ISG20: variants seen among roughly 807,000 people sequenced by gnomAD.
ISG20 encodes the protein interferon stimulated exonuclease gene 20, also known as interferon-stimulated gene 20 kDa protein.
ISG20 carries 8 observed loss-of-function variants against 11.1 expected under a neutral mutation model. The ratio of observed to expected loss-of-function variants is 0.72; its 90% CI spans 0.42 to 1.30. ISG20 has a LOEUF of 1.30. Among genes scored for constraint, ISG20 ranks in the 50% most tolerant of loss-of-function variants. The pLI, the probability that ISG20 is intolerant of heterozygous loss-of-function variation, is 0.01. For missense variants in ISG20, 243 were observed against 250.2 expected, an observed-to-expected ratio of 0.97 and a Z score of 0.19; for synonymous variants, 110 against 101.7, an observed-to-expected ratio of 1.08 and a Z score of -0.49.
At chr15:88,646,212 T>A (rs1461796174) in intron 2 of ISG20, among the ~76,000 whole-genome samples, 2 of 152,174 alleles carry the variant, frequency 1.3e-5, no homozygotes, top group Non-Finnish European at 1.5e-5. Flanking sequence ...AACACAGAGA[T>A]GATTAAATAG....
intron 2 of ISG20, chr15:88,647,520 A>C (rs1191486779): frequency 2.0e-5 from 3 of 152,158 alleles, no homozygotes; most frequent in Non-Finnish European, 2.9e-5. Flanking sequence ...AAGGCTAAGA[A>C]ACCCTGGTCT....
At chr15:88,651,839 A>G in intron 2 of ISG20, 1 of 1,301,902 alleles carries the variant, frequency 7.7e-7, no homozygotes, top group African/African-American at 1.5e-5. Flanking sequence ...GCACCTGGGA[A>G]ATACTCAGGA....
chr15:88,638,468 TCTGGAACC>T (rs1331454003), upstream of ISG20, among the ~76,000 whole-genome samples: 1 of 152,170 alleles, frequency 6.6e-6, no homozygotes, highest in African/African-American at 2.4e-5. Flanking sequence ...CATTGAGGCA[TCTGGAACC>T]CACGGAGGCC....
At chr15:88,653,630 C>T (rs1434420933) in intron 3 of ISG20, among the ~76,000 whole-genome samples, 4 of 152,162 alleles carry the variant, frequency 2.6e-5, no homozygotes, top group African/African-American at 7.2e-5. Context: ...TCCCTGGGCT[C>T]ATTAAGCCTG....
At position 88,656,374 on chromosome 15, in the gene ISG20, G is replaced by A. The variant is rs764355106; in HGVS notation, c.*843G>A. 3.3e-5 allele frequency: 5 copies of A among 152,122 alleles called. No homozygotes were observed. Among genetic ancestry groups the A allele is most frequent in the Non-Finnish European group, 7.4e-5 (5 of 68,024 alleles). 9.4% of individuals were successfully genotyped at this position (152,122 alleles called of 1,614,324 possible). A position where few individuals can be genotyped will look rare whatever the true frequency, so the allele number is the denominator to read the frequency against. The stretch of plus-strand genomic sequence containing the variant: ...GAGGGCATCCTGTATGGGGAGGAGG[G>A]TCTGGACCAGAGCTGTCCCTGATCG... On this transcript the variant is annotated 3_prime_UTR_variant, in exon 4 of 4. Coordinates refer to ENST00000306072, the MANE Select transcript of ISG20 (RefSeq NM_002201.6).
At chr15:88,647,234 GA>G (rs1201406842) in intron 2 of ISG20, 5 of 149,146 alleles carry the variant, frequency 3.4e-5, no homozygotes, top group African/African-American at 1.3e-4. Context: ...ATGTGAGTGG[GA>G]CCCCCCCCCC....
chr15:88,636,223 A>T (rs1215232406), upstream of ISG20: 4 of 152,170 alleles, frequency 2.6e-5, no homozygotes, highest in African/African-American at 9.7e-5. Context: ...GCCCTGAGTG[A>T]CTCACCTACT....
intron 2 of ISG20, chr15:88,646,851 A>G (rs995325827): frequency 1.1e-4 from 16 of 152,304 alleles, no homozygotes; most frequent in Admixed American, 9.8e-4. Context: ...GCTCACTGCA[A>G]CCTCCGCCTC....
chr15:88,654,435 C>A (rs903737015), intron 3 of ISG20, among the ~76,000 whole-genome samples: 1 of 152,236 alleles, frequency 6.6e-6, no homozygotes, highest in African/African-American at 2.4e-5. Flanking sequence ...GTCCCCAACA[C>A]CCTGTCTGGA....
At chr15:88,642,305 A>C (rs528782679) in intron 2 of ISG20, among the ~76,000 whole-genome samples, 1 of 152,276 alleles carries the variant, frequency 6.6e-6, no homozygotes, top group South Asian at 2.1e-4. Flanking sequence ...ACTTCATCCT[A>C]CCTTAACTAA....
At chr15:88,654,043 C>T (rs1043091934) in intron 3 of ISG20, among the ~76,000 whole-genome samples, 1 of 152,146 alleles carries the variant, frequency 6.6e-6, no homozygotes, top group African/African-American at 2.4e-5. Flanking sequence ...GACTTGCCCA[C>T]GGTCACAGAG....
intron 2 of ISG20, chr15:88,649,745 C>G (rs2058241041): frequency 6.2e-6 from 1 of 162,014 alleles, no homozygotes; most frequent in Non-Finnish European, 1.4e-5. Context: ...CAGGTGACCT[C>G]TAGCACACTC....
intron 2 of ISG20, among the ~76,000 whole-genome samples, chr15:88,644,599 C>G (rs1234655672): frequency 6.6e-6 from 1 of 150,514 alleles, no homozygotes; most frequent in African/African-American, 2.4e-5. Context: ...GTTACAAGGG[C>G]CTGCATCATC....
In ISG20 at chr15:88,639,538, G is replaced by A. The variant is rs771458371; in HGVS notation, c.172G>A (p.Gly58Arg). The A allele has an allele frequency of 3.1e-6, 5 of 1,614,040 alleles. No homozygotes were observed. Among genetic ancestry groups the A allele is most frequent in the African/African-American group, 1.3e-5 (1 of 74,916 alleles). Residue 58 changes from glycine to arginine, a missense_variant, in exon 2 of 4, where the codon GGG becomes AGG. Physicochemically the swap from Gly to Arg is moderately radical, Grantham distance 125. Coordinates refer to ENST00000306072, the MANE Select transcript of ISG20 (RefSeq NM_002201.6). The surrounding 1 kb of genome is among the most constrained non-coding windows in gnomAD (Gnocchi z 4.2). ...EITDYRTRVS[G>R]VTPQHMVGAT... ...CACCGATTACAGAACCCGGGTCAGC[G>A]GGGTCACCCCTCAGCACATGGTGGG...
Position 88,639,727 on chromosome 15 carries a change from C to G in ISG20, c.228+133C>G. 1.5e-6 allele frequency: 1 copy of G among 683,890 alleles called. No homozygotes were observed. The highest frequency in any genetic ancestry group is 2.5e-6 in the Non-Finnish European group (1 of 402,952). The allele number at this position is 683,890 out of a possible 1,614,324, so 42.4% of individuals were successfully genotyped here. The stretch of plus-strand genomic sequence containing the variant: ...TTCCCACACTGCTGTTGGGAGAAAG[C>G]CGGTGGTGTCTCCATCACATCCTGG... On this transcript the variant is annotated intron_variant, in intron 2 of 3. Transcript: ENST00000306072. This position sits in a 1 kb window ranked among gnomAD's most constrained non-coding sequence, Gnocchi z 4.2.
At position 88,650,730 on chromosome 15, in the gene ISG20, C is replaced by G. The variant is rs186117315; in HGVS notation, c.229-1380C>G. ...CATCACTATCTCGGTGGCTTTTCCC[C>G]GTGGTCTTTCCAGCATGGTGGCTTT... On this transcript the variant is annotated intron_variant, in intron 2 of 3. Transcript: ENST00000306072. This position sits in a 1 kb window ranked among gnomAD's most constrained non-coding sequence, Gnocchi z 4.0. 1 of 173,078 alleles carries G rather than the reference C, an allele frequency of 5.8e-6. No homozygotes were observed. The highest frequency in any genetic ancestry group is 1.2e-5 in the Non-Finnish European group (1 of 81,198). 10.7% of individuals were successfully genotyped at this position (173,078 alleles called of 1,614,324 possible).
In ISG20 at chr15:88,650,486, G is replaced by A; in HGVS notation, c.229-1624G>A. On this transcript the variant is annotated intron_variant, in intron 2 of 3. Transcript: ENST00000306072. The surrounding 1 kb of genome is among the most constrained non-coding windows in gnomAD (Gnocchi z 4.0). ...CCTGGCTTTGCCACTAACTAGCCGT[G>A]TGACTGTCCCAGTTATCAAATGGTG... is the stretch of plus-strand genomic sequence containing the variant. 3 of 1,421,502 alleles carry A rather than the reference G, an allele frequency of 2.1e-6. No homozygotes were observed. The highest frequency in any genetic ancestry group is 2.8e-6 in the Non-Finnish European group (3 of 1,087,246). The allele number at this position is 1,421,502 out of a possible 1,614,324, so 88.1% of individuals were successfully genotyped here. A position where few individuals can be genotyped will look rare whatever the true frequency, so the allele number is the denominator to read the frequency against.
rs567221947 is a variant in ISG20, at chr15:88,642,413, A to T, written c.228+2819A>T. Among the ~76,000 whole-genome samples, 26 of 152,350 alleles carry T rather than the reference A, an allele frequency of 1.7e-4. No homozygotes were observed. In the South Asian group the frequency reaches 5.4e-3, roughly 32 times the overall value. ...AATTTGAGAGAGCGGGACACAGTTCAACCCATAAACTGAGTAACTTACGCT... is the reference window on the plus strand; with the variant it reads ...AATTTGAGAGAGCGGGACACAGTTCTACCCATAAACTGAGTAACTTACGCT... On this transcript the variant is annotated intron_variant, in intron 2 of 3. Transcript: ENST00000306072.
rs1330135786 is a variant in ISG20, at chr15:88,652,197, A to G, written c.316A>G (p.Thr106Ala). 1.9e-6 allele frequency: 3 copies of G among 1,614,076 alleles called. No homozygotes were observed. Among genetic ancestry groups the G allele is most frequent in the Non-Finnish European group, 2.5e-6 (3 of 1,179,970 alleles). Reference sequence around the variant, plus strand: ...ACTGAAAGAGGACATGAGCGGCTACACAATCTACGACACGTCCACTGACAG... The same window carrying G: ...ACTGAAAGAGGACATGAGCGGCTACGCAATCTACGACACGTCCACTGACAG... The part of the protein sequence containing the change: ...QALKEDMSGY[T>A]IYDTSTDRLL... Residue 106 changes from threonine to alanine, a missense_variant, in exon 3 of 4, where the codon ACA becomes GCA. Physicochemically the swap from Thr to Ala is moderately conservative, Grantham distance 58. Coordinates refer to ENST00000306072, the MANE Select transcript of ISG20 (RefSeq NM_002201.6).
Sources: allele counts gnomAD v4.1 joint callset (sites outside exome capture counted in the v4.1 genomes callset), GRCh38; gene constraint gnomAD v4.1.1; non-coding constraint Gnocchi (gnomAD v3.1); transcripts MANE v1.5; gene names NCBI Gene and HGNC (gene_info 2026-07-23, HGNC 2026-07-21).